Variants in NOTCH2 observed in about 807,000 individuals in gnomAD.
NOTCH2 encodes the protein neurogenic locus notch homolog protein 2.
Under a neutral mutation model 235.8 loss-of-function variants are expected in NOTCH2, and 29 were observed. That is an observed-to-expected ratio of 0.12 (90% confidence interval 0.09 to 0.17). The LOEUF is 0.17. NOTCH2 is among the 10% of genes least tolerant of loss of function. The pLI, the probability that NOTCH2 is intolerant of heterozygous loss-of-function variation, is 1.00. For synonymous variants in NOTCH2, 1,086 were observed against 1,141.5 expected (o/e 0.95, Z 0.98); for missense variants, 2,285 against 3,150.2 (o/e 0.73, Z 6.57).
In NOTCH2 at chr1:120,069,561, G is replaced by T; in HGVS notation, c.-155C>A. 4 of 1,410,756 alleles carry T rather than the reference G, an allele frequency of 2.8e-6. No homozygotes were observed. Among genetic ancestry groups the T allele is most frequent in the South Asian group, 1.5e-5 (1 of 66,194 alleles). The allele number at this position is 1,410,756 out of a possible 1,614,324, so 87.4% of individuals were successfully genotyped here. A position where few individuals can be genotyped will look rare whatever the true frequency, so the allele number is the denominator to read the frequency against. On this transcript the variant is annotated 5_prime_UTR_variant, in exon 1 of 34. Coordinates refer to ENST00000256646, the MANE Select transcript of NOTCH2 (RefSeq NM_024408.4). ...TACGCTCCGAAGCCCAGGCGCAAAT[G>T]CCTCGACTCCCCGCGCCCCGAGTCC...
At position 119,996,324 on chromosome 1, in the gene NOTCH2, T is replaced by C. The variant is rs12085919; in HGVS notation, c.751+673A>G. 3,262 of 343,330 alleles carry C rather than the reference T, an allele frequency of 9.5e-3. 80 individuals carry two copies. The highest frequency in any genetic ancestry group is 0.063 in the African/African-American group (3,017 of 47,756). 21.3% of individuals were successfully genotyped at this position (343,330 alleles called of 1,614,324 possible). ...AGAACACTTGTATCAGTGAAGAGTG[T>C]AACAAAGTATTGTGCCACGCATAGT... On this transcript the variant is annotated intron_variant, in intron 4 of 33. Transcript: ENST00000256646.
rs1650346578 is a variant in NOTCH2, at chr1:119,948,651, T to G, written c.2600-85A>C. 2.7e-6 allele frequency: 4 copies of G among 1,471,090 alleles called. No homozygotes were observed. In the Admixed American group the frequency reaches 6.7e-5, roughly 25 times the overall value. The allele number at this position is 1,471,090 out of a possible 1,614,324, so 91.1% of individuals were successfully genotyped here. ...ACGCAGGACCTGAGCTTAGTTGGGGTGCATGGAGCTATTCCACAGACAAAC... is the reference window on the plus strand; with the variant it reads ...ACGCAGGACCTGAGCTTAGTTGGGGGGCATGGAGCTATTCCACAGACAAAC... On this transcript the variant is annotated intron_variant, in intron 16 of 33. Transcript: ENST00000256646.
At chr1:120,045,441 C>T (rs1441137010) in intron 1 of NOTCH2, among the ~76,000 whole-genome samples, 3 of 119,870 alleles carry the variant, frequency 2.5e-5, no homozygotes. Context: ...TCATTTCTAG[C>T]TTACTTGCTA....
chr1:119,930,542 G>A (rs1553194957), intron 22 of NOTCH2, among the ~76,000 whole-genome samples: 2 of 151,768 alleles, frequency 1.3e-5, no homozygotes, highest in African/African-American at 4.8e-5. Context: ...ACTTTGGGAG[G>A]CTAAGGCAGG....
At chr1:119,989,670 AACAG>A (rs1652156430) in intron 4 of NOTCH2, among the ~76,000 whole-genome samples, 1 of 149,330 alleles carries the variant, frequency 6.7e-6, no homozygotes, top group Non-Finnish European at 1.5e-5. Flanking sequence ...AAAGGATCTG[AACAG>A]ACATTCTCCA....
chr1:119,919,947 C>G (rs1649214919), intron 30 of NOTCH2, among the ~76,000 whole-genome samples: 1 of 152,128 alleles, frequency 6.6e-6, no homozygotes, highest in African/African-American at 2.4e-5. Flanking sequence ...ACTAACTATC[C>G]TCTGCTTTGG....
intron 2 of NOTCH2, among the ~76,000 whole-genome samples, chr1:120,023,387 A>G (rs1250490663): frequency 2.0e-5 from 3 of 150,780 alleles, no homozygotes; most frequent in Admixed American, 6.6e-5. Context: ...CAGTGAGCCA[A>G]GAAAGCGCCA....
intron 29 of NOTCH2, 129 bp downstream of exon 29, chr1:119,921,584 A>G (rs2101153218): frequency 1.2e-6 from 1 of 804,112 alleles, no homozygotes; most frequent in East Asian, 2.5e-5. Context: ...TAGGATAGTT[A>G]TTGTCTGGGT....
chr1:119,923,765 C>G lies in NOTCH2; in HGVS notation c.4731G>C (p.Leu1577=). 1 of 1,614,178 alleles carries G rather than the reference C, an allele frequency of 6.2e-7. No individual in the cohort carries two copies. The highest frequency in any genetic ancestry group is 8.5e-7 in the Non-Finnish European group (1 of 1,180,034). The stretch of plus-strand genomic sequence containing the variant: ...CCCCCTGGGAGTCCCGCTTAATGCG[C>G]AGGTTGGTGTGGAGCAGGGTACCCA... ...RALGTLLHTN[L]RIKRDSQGEL... Residue 1577 remains leucine, a synonymous_variant, in exon 26 of 34, where the codon CTG becomes CTC. Transcript: ENST00000256646.
chr1:119,979,910 A>G (rs587711682), intron 5 of NOTCH2, among the ~76,000 whole-genome samples: 1 of 152,312 alleles, frequency 6.6e-6, no homozygotes, highest in South Asian at 2.1e-4. Context: ...TTAAAAGTAG[A>G]TAGATGAATT....
chr1:120,069,305 C>T (rs1392130139), intron 1 of NOTCH2, 29 bp downstream of exon 1: 2 of 1,543,922 alleles, frequency 1.3e-6, no homozygotes, highest in African/African-American at 2.7e-5. Context: ...CCGGGCGCCG[C>T]GGACAGCGCC....
At chr1:120,012,644 G>A (rs1653247998) in intron 2 of NOTCH2, among the ~76,000 whole-genome samples, 2 of 152,086 alleles carry the variant, frequency 1.3e-5, no homozygotes, top group Admixed American at 6.5e-5. Flanking sequence ...AACCCCTATA[G>A]CACTGAAAAG....
chr1:119,962,363 T>A (rs1467071571), intron 11 of NOTCH2, among the ~76,000 whole-genome samples: 2 of 152,220 alleles, frequency 1.3e-5, no homozygotes, highest in Non-Finnish European at 2.9e-5. Flanking sequence ...TTTCCTACTA[T>A]AATTTCTCAT....
At chr1:119,987,458 T>C (rs961163401) in intron 4 of NOTCH2, among the ~76,000 whole-genome samples, 3 of 152,194 alleles carry the variant, frequency 2.0e-5, no homozygotes, top group Non-Finnish European at 2.9e-5. Flanking sequence ...GAAGAACAGA[T>C]AAAATATTAC....
intron 4 of NOTCH2, chr1:119,991,638 C>T (rs1553203052): frequency 6.1e-5 from 1 of 16,498 alleles, no homozygotes; most frequent in Non-Finnish European, 1.1e-4. Flanking sequence ...GCCAACCTGA[C>T]CAACATGGTG....
In NOTCH2 at chr1:119,915,303, C is replaced by A; in HGVS notation, c.*3G>T. 6.2e-7 allele frequency: 1 copy of A among 1,612,760 alleles called. No homozygotes were observed. On this transcript the variant is annotated 3_prime_UTR_variant, in exon 34 of 34. Transcript: ENST00000256646. The stretch of plus-strand genomic sequence containing the variant: ...TATGTCTCTACACTGGAGGTGGACT[C>A]TCTCACGCATAAACCTGCATGTTGT...
chr1:119,948,332 C>T (rs1312292158), intron 17 of NOTCH2, 82 bp downstream of exon 17: 49 of 1,501,716 alleles, frequency 3.3e-5, no homozygotes, highest in Admixed American at 3.0e-4. Context: ...GCGTGAAAGG[C>T]GGCAGCCTCC....
chr1:120,045,471 A>T (rs1412819414), intron 1 of NOTCH2, among the ~76,000 whole-genome samples: 15 of 20,794 alleles, frequency 7.2e-4, no homozygotes, highest in African/African-American at 4.0e-3. Context: ...GAAAGACTTT[A>T]AAAAAAAAAA....
At chr1:120,024,784 T>C (rs1354921893) in intron 2 of NOTCH2, among the ~76,000 whole-genome samples, 6 of 152,194 alleles carry the variant, frequency 3.9e-5, no homozygotes, top group African/African-American at 7.2e-5. Context: ...CTACGTTAGA[T>C]ATTTACCAAG....
Sources: allele counts gnomAD v4.1 joint callset (sites outside exome capture counted in the v4.1 genomes callset), GRCh38; gene constraint gnomAD v4.1.1; transcripts MANE v1.5; gene names NCBI Gene and HGNC (gene_info 2026-07-23, HGNC 2026-07-21).